The following CAMSAP2 variants were observed in gnomAD, a reference collection of about 807,000 sequenced individuals.
CAMSAP2 encodes calmodulin-regulated spectrin-associated protein 2.
Under a neutral mutation model 146.1 loss-of-function variants are expected in CAMSAP2, and 26 were observed. The observed-to-expected ratio is 0.18, with a 90% CI of 0.13 to 0.25. The LOEUF (loss-of-function observed/expected upper bound fraction) is 0.25, where lower values mean the gene tolerates loss of function less well. CAMSAP2 is among the 10% of genes least tolerant of loss of function. The pLI is 1.00. For synonymous variants in CAMSAP2, 499 were observed against 596.6 expected, an observed-to-expected ratio of 0.84 and a Z score of 2.38; for missense variants, 1,381 against 1,759.3, an observed-to-expected ratio of 0.78 and a Z score of 3.85.
chr1:200,858,157 T>A lies in CAMSAP2; in HGVS notation c.*98T>A. On this transcript the variant is annotated 3_prime_UTR_variant, in exon 17 of 17. Coordinates refer to ENST00000358823, the MANE Select transcript of CAMSAP2 (RefSeq NM_203459.4). Reference sequence around the variant, plus strand: ...TTCTAATTGCCAACAAGACTTTTATTAATTAAAACTGGACATTAAGCTCTG... The same window carrying A: ...TTCTAATTGCCAACAAGACTTTTATAAATTAAAACTGGACATTAAGCTCTG... 1 of 1,060,000 alleles carries A rather than the reference T, an allele frequency of 9.4e-7. No individual in the cohort carries two copies. The highest frequency in any genetic ancestry group is 1.4e-6 in the Non-Finnish European group (1 of 735,294). The allele number at this position is 1,060,000 out of a possible 1,614,324, so 65.7% of individuals were successfully genotyped here. A position where few individuals can be genotyped will look rare whatever the true frequency, so the allele number is the denominator to read the frequency against.
At chr1:200,831,158 A>G (rs547765477) in intron 4 of CAMSAP2, among the ~76,000 whole-genome samples, 1 of 152,328 alleles carries the variant, frequency 6.6e-6, no homozygotes, top group South Asian at 2.1e-4. Context: ...TTTATGTTAT[A>G]TATTTTGCTA....
chr1:200,848,907 C>T lies in CAMSAP2; in HGVS notation c.2138C>T (p.Thr713Ile), dbSNP rs756010628. The T allele has an allele frequency of 1.2e-6, 2 of 1,614,164 alleles. No individual in the cohort carries two copies. Among genetic ancestry groups the T allele is most frequent in the Non-Finnish European group, 8.5e-7 (1 of 1,180,016 alleles). ...AGTGGAAGCAGTTCTCAAAAAACTA[C>T]ACCAGAAGGCTCTGAACTTAATATT... ...KSSGSSSQKT[T>I]PEGSELNIPH... is the part of the protein sequence containing the mutation. Residue 713 changes from threonine (T) to isoleucine (I), a missense_variant, in exon 11 of 17, where the codon ACA (threonine) becomes ATA (isoleucine). Physicochemically the swap from Thr to Ile is moderately conservative, Grantham distance 89 (BLOSUM62 -1). This residue lies in a region of CAMSAP2 where 447 missense variants were observed against 462.2 expected (regional missense o/e 0.97). Transcript: ENST00000358823.
At chr1:200,783,938 G>T (rs1300831947) in intron 2 of CAMSAP2, among the ~76,000 whole-genome samples, 1 of 151,758 alleles carries the variant, frequency 6.6e-6, no homozygotes, top group Non-Finnish European at 1.5e-5. Flanking sequence ...TTTCCCCTAT[G>T]TTTTCTTCTC....
intron 2 of CAMSAP2, among the ~76,000 whole-genome samples, chr1:200,800,743 A>G (rs1666011962): frequency 6.6e-6 from 1 of 152,138 alleles, no homozygotes; most frequent in African/African-American, 2.4e-5. Flanking sequence ...TAGTTGATGC[A>G]GTTTCTTCAT....
At chr1:200,756,089 G>C (rs1363863126) in intron 1 of CAMSAP2, among the ~76,000 whole-genome samples, 1 of 152,152 alleles carries the variant, frequency 6.6e-6, no homozygotes, top group African/African-American at 2.4e-5. Context: ...GTAGGAGTAG[G>C]CAGTACATTT....
chr1:200,842,042 G>C lies in CAMSAP2; in HGVS notation c.976G>C (p.Val326Leu). 2.5e-6 allele frequency: 4 copies of C among 1,613,948 alleles called. No individual in the cohort carries two copies. The highest frequency in any genetic ancestry group is 3.4e-6 in the Non-Finnish European group (4 of 1,179,890). Residue 326 changes from valine to leucine, a missense_variant, in exon 7 of 17, where the codon GTG becomes CTG. Val to Leu is a conservative substitution (Grantham distance 32, BLOSUM62 1). Transcript: ENST00000358823. ...GGAACTGTTCTGGTGGTTTGAAGTGGTGAAGCCGTCTTTTGTACAGCCTCG... is the reference window on the plus strand; with the variant it reads ...GGAACTGTTCTGGTGGTTTGAAGTGCTGAAGCCGTCTTTTGTACAGCCTCG... ...MAELFWWFEV[V>L]KPSFVQPRVV...
chr1:200,742,972 C>T (rs1429264162), intron 1 of CAMSAP2, among the ~76,000 whole-genome samples: 4 of 152,016 alleles, frequency 2.6e-5, no homozygotes. Flanking sequence ...TTACAAATAG[C>T]CCAAATTTTA....
chr1:200,783,452 A>G (rs1431593112), intron 2 of CAMSAP2, among the ~76,000 whole-genome samples: 2 of 152,134 alleles, frequency 1.3e-5, no homozygotes, highest in Admixed American at 6.5e-5. Context: ...TGCATTGCAG[A>G]TAGTTTCTCC....
intron 15 of CAMSAP2, among the ~76,000 whole-genome samples, chr1:200,856,467 G>T (rs2102270002): frequency 6.6e-6 from 1 of 152,226 alleles, no homozygotes; most frequent in South Asian, 2.1e-4. Flanking sequence ...CCAGAATTGT[G>T]CACCTTTAGC....
At chr1:200,824,787 T>A (rs1346202048) in intron 4 of CAMSAP2, among the ~76,000 whole-genome samples, 1 of 152,160 alleles carries the variant, frequency 6.6e-6, no homozygotes, top group Non-Finnish European at 1.5e-5. Context: ...GAGACCAGCC[T>A]GGCCAACATG....
chr1:200,763,263 G>T (rs1279544365), intron 2 of CAMSAP2, among the ~76,000 whole-genome samples: 1 of 152,182 alleles, frequency 6.6e-6, no homozygotes, highest in Non-Finnish European at 1.5e-5. Context: ...TTCAGGCTGG[G>T]TGTGGTAGCT....
intron 2 of CAMSAP2, among the ~76,000 whole-genome samples, chr1:200,768,757 G>A (rs536192309): frequency 1.3e-5 from 2 of 152,168 alleles, no homozygotes; most frequent in African/African-American, 4.8e-5. Context: ...AGGTTCAAGC[G>A]ATTCTCCTGC....
At chr1:200,835,871 T>G (rs961121923) in intron 6 of CAMSAP2, among the ~76,000 whole-genome samples, 1 of 152,208 alleles carries the variant, frequency 6.6e-6, no homozygotes, top group Non-Finnish European at 1.5e-5. Flanking sequence ...CATGGAGATA[T>G]AAGATTGCAT....
chr1:200,765,631 C>T (rs922051793), intron 2 of CAMSAP2, among the ~76,000 whole-genome samples: 2 of 152,080 alleles, frequency 1.3e-5, no homozygotes, highest in African/African-American at 4.8e-5. Flanking sequence ...AAAAACTAGA[C>T]AGTATGAAAT....
intron 1 of CAMSAP2, among the ~76,000 whole-genome samples, chr1:200,749,686 T>G (rs968528074): frequency 2.0e-5 from 3 of 152,218 alleles, no homozygotes; most frequent in African/African-American, 7.2e-5. Flanking sequence ...TCTTTGAACA[T>G]TTCATCTACA....
At chr1:200,805,319 G>A (rs1666143446) in intron 2 of CAMSAP2, among the ~76,000 whole-genome samples, 1 of 152,194 alleles carries the variant, frequency 6.6e-6, no homozygotes, top group African/African-American at 2.4e-5. Context: ...CAGCTCTTGA[G>A]TCTTTATAGT....
intron 2 of CAMSAP2, among the ~76,000 whole-genome samples, chr1:200,764,039 C>A (rs1475091619): frequency 6.6e-6 from 1 of 152,006 alleles, no homozygotes. Flanking sequence ...CCACTGCACT[C>A]CAGCCCAGGT....
chr1:200,836,714 T>A (rs897040150), intron 6 of CAMSAP2, among the ~76,000 whole-genome samples: 1 of 152,204 alleles, frequency 6.6e-6, no homozygotes, highest in Non-Finnish European at 1.5e-5. Flanking sequence ...ACCAACAGTG[T>A]GTAAATGTTC....
At chr1:200,836,707 A>C (rs1667193415) in intron 6 of CAMSAP2, among the ~76,000 whole-genome samples, 2 of 152,186 alleles carry the variant, frequency 1.3e-5, no homozygotes, top group South Asian at 4.1e-4. Context: ...CACTCCTACC[A>C]ACAGTGTGTA....
Sources: gnomAD v4.1 joint callset for allele counts (sites outside exome capture counted in the v4.1 genomes callset) on GRCh38, gnomAD v4.1.1 for gene constraint, gnomAD v4.1.1 regional missense constraint, MANE v1.5 for transcripts, NCBI Gene and HGNC (gene_info 2026-07-23, HGNC 2026-07-21) for gene names.